PTPRD: variants seen among roughly 807,000 people sequenced by gnomAD.
PTPRD encodes receptor-type tyrosine-protein phosphatase delta.
A neutral mutation model predicts 214.5 loss-of-function variants in PTPRD; 34 were observed. The observed-to-expected ratio is 0.16, with a 90% confidence interval of 0.12 to 0.21. The LOEUF is 0.21. PTPRD is among the 10% of genes least tolerant of loss of function. PTPRD has a pLI of 1.00. For missense variants in PTPRD, 2,545 were observed against 2,398.7 expected, an observed-to-expected ratio of 1.06 and a Z score of -1.27; for synonymous variants, 1,128 against 845.7, an observed-to-expected ratio of 1.33 and a Z score of -5.79.
At chr9:8,780,718 T>A (rs1169924968) in intron 11 of PTPRD, among the ~76,000 whole-genome samples, 1 of 152,156 alleles carries the variant, frequency 6.6e-6, no homozygotes, top group Non-Finnish European at 1.5e-5. Flanking sequence ...TGCATGACCT[T>A]CAAGGCCAAG....
intron 11 of PTPRD, among the ~76,000 whole-genome samples, chr9:8,897,281 G>A (rs1249729810): frequency 6.6e-6 from 1 of 151,624 alleles, no homozygotes; most frequent in African/African-American, 2.4e-5. Context: ...CTAAATGAGT[G>A]AAAAGACAAT....
intron 11 of PTPRD, among the ~76,000 whole-genome samples, chr9:8,926,088 T>G: frequency 6.6e-6 from 1 of 152,058 alleles, no homozygotes; most frequent in East Asian, 1.9e-4. Context: ...ACACGATTTC[T>G]AGTCATTCCC....
At chr9:9,825,245 A>C (rs1292231295) in intron 5 of PTPRD, among the ~76,000 whole-genome samples, 1 of 151,998 alleles carries the variant, frequency 6.6e-6, no homozygotes, top group African/African-American at 2.4e-5. Flanking sequence ...ACTAGTTTTC[A>C]AAATAAAGAT....
chr9:9,925,388 G>A (rs182397011), intron 5 of PTPRD, among the ~76,000 whole-genome samples: 2 of 152,152 alleles, frequency 1.3e-5, no homozygotes, highest in Admixed American at 1.3e-4. Flanking sequence ...TCTAACAGGA[G>A]GGTGACTGCT....
At chr9:10,112,353 T>A (rs1417201420) in intron 3 of PTPRD, among the ~76,000 whole-genome samples, 2 of 152,226 alleles carry the variant, frequency 1.3e-5, no homozygotes, top group African/African-American at 4.8e-5. Context: ...ATACTCTGTG[T>A]TTGCCTTGCC....
chr9:9,393,223 T>C (rs1204621791), intron 9 of PTPRD, among the ~76,000 whole-genome samples: 9 of 149,070 alleles, frequency 6.0e-5, no homozygotes, highest in African/African-American at 2.2e-4. Flanking sequence ...GAACCATGCC[T>C]CCAGGTATGC....
intron 11 of PTPRD, among the ~76,000 whole-genome samples, chr9:8,973,563 T>C (rs2099251537): frequency 6.6e-6 from 1 of 152,080 alleles, no homozygotes; most frequent in Admixed American, 6.6e-5. Context: ...TGATCTATAT[T>C]CCTTTGGGTA....
intron 11 of PTPRD, among the ~76,000 whole-genome samples, chr9:8,758,213 A>C (rs977307843): frequency 9.8e-5 from 15 of 152,318 alleles, no homozygotes; most frequent in African/African-American, 3.6e-4. Context: ...GCCTTTCTCA[A>C]CTGCGGTTCC....
intron 39 of PTPRD, among the ~76,000 whole-genome samples, chr9:8,359,827 CA>C (rs1342042319): frequency 2.0e-5 from 3 of 152,132 alleles, no homozygotes; most frequent in African/African-American, 7.2e-5. Flanking sequence ...TCTCAAGTAC[CA>C]CTTAGTGTTT....
intron 14 of PTPRD, among the ~76,000 whole-genome samples, chr9:8,617,434 T>C (rs2095649626): frequency 6.6e-6 from 1 of 152,128 alleles, no homozygotes; most frequent in Non-Finnish European, 1.5e-5. Context: ...AAACCTGATG[T>C]ACATAAGTAA....
chr9:10,145,491 A>C (rs2099016032), intron 3 of PTPRD, among the ~76,000 whole-genome samples: 1 of 152,178 alleles, frequency 6.6e-6, no homozygotes, highest in Non-Finnish European at 1.5e-5. Context: ...TTTCTTAATA[A>C]CATTTTCTGT....
chr9:9,625,355 T>C (rs1415223815), intron 7 of PTPRD, among the ~76,000 whole-genome samples: 1 of 152,148 alleles, frequency 6.6e-6, no homozygotes, highest in Non-Finnish European at 1.5e-5. Flanking sequence ...TGTGAATACC[T>C]GTAAGCTGCT....
chr9:10,564,997 T>C (rs2065171440), intron 2 of PTPRD, among the ~76,000 whole-genome samples: 1 of 152,138 alleles, frequency 6.6e-6, no homozygotes, highest in South Asian at 2.1e-4. Flanking sequence ...ATTTGAAACT[T>C]TCTAGGCCTC....
At chr9:9,428,508 A>G (rs1490831619) in intron 8 of PTPRD, among the ~76,000 whole-genome samples, 2 of 152,196 alleles carry the variant, frequency 1.3e-5, no homozygotes, top group Admixed American at 6.5e-5. Context: ...ACAGAAAGTT[A>G]AGAAGGATAT....
At chr9:9,497,295 G>C (rs146453979) in intron 8 of PTPRD, among the ~76,000 whole-genome samples, 2 of 152,222 alleles carry the variant, frequency 1.3e-5, no homozygotes, top group African/African-American at 2.4e-5. Flanking sequence ...AAGTAAATGA[G>C]ATAGTAGTGG....
chr9:8,442,519 A>G (rs541339411), intron 34 of PTPRD, among the ~76,000 whole-genome samples: 1 of 152,258 alleles, frequency 6.6e-6, no homozygotes, highest in Non-Finnish European at 1.5e-5. Flanking sequence ...CCTTACTGAT[A>G]AATTGTGATA....
At chr9:9,740,993 C>A (rs985803408) in intron 6 of PTPRD, among the ~76,000 whole-genome samples, 1 of 151,910 alleles carries the variant, frequency 6.6e-6, no homozygotes, top group Middle Eastern at 3.2e-3. Flanking sequence ...GAATTTCAGA[C>A]GCGATTTGAG....
intron 9 of PTPRD, among the ~76,000 whole-genome samples, chr9:9,393,530 G>A (rs553216454): frequency 5.3e-5 from 8 of 152,274 alleles, no homozygotes; most frequent in African/African-American, 1.7e-4. Context: ...GATCCCTATT[G>A]ACACTTATTG....
At chr9:8,473,026 T>G (rs1162144364) in intron 30 of PTPRD, among the ~76,000 whole-genome samples, 1 of 152,224 alleles carries the variant, frequency 6.6e-6, no homozygotes, top group Non-Finnish European at 1.5e-5. Context: ...CAGCTGCTAC[T>G]GGCTAGTATG....
Sources: allele counts gnomAD v4.1 joint callset (sites outside exome capture counted in the v4.1 genomes callset), GRCh38; gene constraint gnomAD v4.1.1; transcripts MANE v1.5; gene names NCBI Gene and HGNC (gene_info 2026-07-23, HGNC 2026-07-21).